Variants in THBS1 observed in about 807,000 individuals in gnomAD.
THBS1 encodes the protein thrombospondin 1.
In THBS1, 29 loss-of-function variants were observed where a neutral mutation model predicts 126.1. That is an observed-to-expected ratio of 0.23 (90% CI 0.17 to 0.31). The LOEUF is 0.31. Among genes scored for constraint, THBS1 ranks in the 10% least tolerant of loss-of-function variants. The pLI, the probability that THBS1 is intolerant of heterozygous loss-of-function variation, is 1.00. For missense variants in THBS1, 1,198 were observed against 1,545.2 expected, an observed-to-expected ratio of 0.78 and a Z score of 3.77; for synonymous variants, 496 against 577.8, an observed-to-expected ratio of 0.86 and a Z score of 2.03.
At chr15:39,587,197 A>G (rs1566839795) in intron 7 of THBS1, 150 bp from the exon 8 acceptor site, 1 of 649,894 alleles carries the variant, frequency 1.5e-6, no homozygotes, top group African/African-American at 1.8e-5. Context: ...AAATGTATAT[A>G]ATATTTGTCA....
At chr15:39,587,813 T>G (rs1890238066) in intron 8 of THBS1, among the ~76,000 whole-genome samples, 1 of 152,214 alleles carries the variant, frequency 6.6e-6, no homozygotes, top group African/African-American at 2.4e-5. Context: ...ACCCTGTAAA[T>G]GTTAGGATAT....
In THBS1 at chr15:39,593,112, C is replaced by G; in HGVS notation, c.2880C>G (p.Phe960Leu). The change falls in exon 18 of 22, where the codon TTC becomes TTG. Residue 960 changes from phenylalanine (F) to leucine (L), a missense_variant. Around this residue, in one of 4 missense-constraint regions of THBS1, gnomAD observed 255 missense variants for 373.9 expected, o/e 0.68. Transcript: ENST00000260356. The surrounding 1 kb of genome is among the most constrained non-coding windows in gnomAD (Gnocchi z 5.9). ...VDISETDFRR[F>L]QMIPLDPKGT... ...TCAGTGAGACCGATTTCCGCCGATT[C>G]CAGATGATTCCTCTGGACCCCAAAG... 1.3e-6 allele frequency: 2 copies of G among 1,598,620 alleles called. No homozygotes were observed. Among genetic ancestry groups the G allele is most frequent in the Non-Finnish European group, 1.7e-6 (2 of 1,173,110 alleles).
At chr15:39,584,557 T>A in intron 6 of THBS1, 135 bp downstream of exon 6, 1 of 1,204,566 alleles carries the variant, frequency 8.3e-7, no homozygotes, top group Non-Finnish European at 1.1e-6. Context: ...TTTTTTTCTT[T>A]AAGATGCAAT....
Position 39,587,431 on chromosome 15 carries a change from G to A in THBS1, c.1205G>A (p.Arg402His), listed in dbSNP as rs369659280. Residue 402 changes from arginine (R) to histidine (H), a missense_variant, in exon 8 of 22, where the codon CGC (arginine) becomes CAC (histidine). By Grantham distance (29) the Arg-to-His change is conservative. Coordinates refer to ENST00000260356, the MANE Select transcript of THBS1 (RefSeq NM_003246.4). ...AGCTGTGGCAATGGAATTCAGCAGC[G>A]CGGCCGCTCCTGCGATAGCCTCAAC... ...STSCGNGIQQRGRSCDSLNNR... is the reference protein window; with the variant it reads ...STSCGNGIQQHGRSCDSLNNR... 6.8e-6 allele frequency: 11 copies of A among 1,613,968 alleles called. No individual in the cohort carries two copies. Among genetic ancestry groups the A allele is most frequent in the East Asian group, 2.2e-5 (1 of 44,870 alleles).
chr15:39,587,330 C>T lies in THBS1; in HGVS notation c.1121-17C>T. 1 of 1,603,268 alleles carries T rather than the reference C, an allele frequency of 6.2e-7. No individual in the cohort carries two copies. On this transcript the variant is annotated splice_polypyrimidine_tract_variant and intron_variant, in intron 7 of 21. Coordinates refer to ENST00000260356, the MANE Select transcript of THBS1 (RefSeq NM_003246.4). ...CCTAATCATCACGTACCTGATGAAC[C>T]TCTGTTTCCCCTGCAGCCAGCGACT...
intron 6 of THBS1, among the ~76,000 whole-genome samples, 196 bp from the exon 7 acceptor site, chr15:39,585,274 C>T (rs995607318): frequency 2.6e-5 from 4 of 152,164 alleles, no homozygotes; most frequent in Non-Finnish European, 4.4e-5. Flanking sequence ...TGGAGTGACA[C>T]GTAAACTAGC....
chr15:39,581,752 C>G, intron 1 of THBS1, 77 bp from the exon 2 acceptor site: 1 of 889,838 alleles, frequency 1.1e-6, no homozygotes, highest in Non-Finnish European at 1.8e-6. Flanking sequence ...TGTCCCCATG[C>G]CCAGCCCCGT....
At chr15:39,585,860 C>A (rs1890199241) in intron 7 of THBS1, among the ~76,000 whole-genome samples, 1 of 152,178 alleles carries the variant, frequency 6.6e-6, no homozygotes, top group South Asian at 2.1e-4. Context: ...GCAGCAACAG[C>A]TCTAAGTTGA....
chr15:39,595,305 A>G (rs922714466), intron 21 of THBS1, 57 bp from the exon 22 acceptor site: 30 of 1,175,440 alleles, frequency 2.6e-5, no homozygotes, highest in Admixed American at 1.2e-4. Context: ...TAAGATGTCT[A>G]TGCTTTTATG....
intron 3 of THBS1, 72 bp downstream of exon 3, chr15:39,582,824 G>C (rs998693457): frequency 2.0e-6 from 3 of 1,479,812 alleles, no homozygotes; most frequent in Non-Finnish European, 2.7e-6. Context: ...GAGGGCTACA[G>C]GAAATCCTGT....
chr15:39,584,863 G>A (rs1295092374), intron 6 of THBS1, among the ~76,000 whole-genome samples: 5 of 152,176 alleles, frequency 3.3e-5, no homozygotes, highest in Admixed American at 2.6e-4. Flanking sequence ...GCTTTGCTCA[G>A]ATGGCACTGC....
Position 39,593,272 on chromosome 15 carries a change from G to A in THBS1, c.2995+45G>A. ...ATCCTAAGAGACTGATGCATACATG[G>A]GGAAAAACAAATATAAAACCTGGCA... On this transcript the variant is annotated intron_variant, in intron 18 of 21. Transcript: ENST00000260356. This position sits in a 1 kb window ranked among gnomAD's most constrained non-coding sequence, Gnocchi z 5.9. The A allele has an allele frequency of 6.2e-7, 1 of 1,611,078 alleles. No homozygotes were observed. Among genetic ancestry groups the A allele is most frequent in the Non-Finnish European group, 8.5e-7 (1 of 1,177,358 alleles).
chr15:39,587,568 T>G, intron 8 of THBS1, 48 bp downstream of exon 8: 1 of 1,546,944 alleles, frequency 6.5e-7, no homozygotes, highest in Non-Finnish European at 8.8e-7. Flanking sequence ...CCTGTCCTTG[T>G]TGTCGTCACC....
chr15:39,588,546 T>G lies in THBS1; in HGVS notation c.1492T>G (p.Trp498Gly). The change falls in exon 10 of 22, where the codon TGG (tryptophan) becomes GGG (glycine). Residue 498 changes from tryptophan (W) to glycine (G), a missense_variant. Physicochemically the swap from Trp to Gly is radical, Grantham distance 184. Transcript: ENST00000260356. ...ACPINGGWGP[W>G]SPWDICSVTC... ...TACAGTCAATGGAGGCTGGGGTCCT[T>G]GGTCACCATGGGACATCTGTTCTGT... is the stretch of plus-strand genomic sequence containing the variant. The G allele has an allele frequency of 6.4e-7, 1 of 1,560,754 alleles. No homozygotes were observed. The highest frequency in any genetic ancestry group is 8.6e-7 in the Non-Finnish European group (1 of 1,158,414).
In THBS1 at chr15:39,594,108, C is replaced by G. The variant is rs758876690; in HGVS notation, c.3277C>G (p.Leu1093Val). 6.2e-7 allele frequency: 1 copy of G among 1,613,840 alleles called. No individual in the cohort carries two copies. Among genetic ancestry groups the G allele is most frequent in the Non-Finnish European group, 8.5e-7 (1 of 1,179,844 alleles). Residue 1093 changes from leucine (L) to valine (V), a missense_variant, in exon 20 of 22, where the codon CTG (leucine) becomes GTG (valine). Physicochemically the swap from Leu to Val is conservative, Grantham distance 32 (BLOSUM62 1). This residue lies in a region of THBS1 where 255 missense variants were observed against 373.9 expected (regional missense o/e 0.68). Transcript: ENST00000260356. The surrounding 1 kb of genome is among the most constrained non-coding windows in gnomAD (Gnocchi z 4.4). Reference protein sequence around the residue: ...TGNTPGQVRTLWHDPRHIGWK... With the variant: ...TGNTPGQVRTVWHDPRHIGWK... ...TTTCCTTTTCCTTCAGGTGCGCACC[C>G]TGTGGCATGACCCTCGTCACATAGG...
intron 2 of THBS1, 68 bp downstream of exon 2, chr15:39,581,992 C>G: frequency 6.5e-7 from 1 of 1,542,438 alleles, no homozygotes; most frequent in Non-Finnish European, 9.0e-7. Context: ...CCAGGTGTGC[C>G]CCCTCACGTG....
At position 39,594,557 on chromosome 15, in the gene THBS1, A is replaced by G. The variant is rs1053914820; in HGVS notation, c.3505+117A>G. On this transcript the variant is annotated intron_variant, in intron 21 of 21. Coordinates refer to ENST00000260356, the MANE Select transcript of THBS1 (RefSeq NM_003246.4). This position sits in a 1 kb window ranked among gnomAD's most constrained non-coding sequence, Gnocchi z 4.4. The stretch of plus-strand genomic sequence containing the variant: ...CTGTTTTGGAGACAGGGTTATTTCT[A>G]TTTTGCTTTTGAGGACACAAGGACA... The G allele has an allele frequency of 2.1e-6, 3 of 1,438,938 alleles. No individual in the cohort carries two copies. The highest frequency in any genetic ancestry group is 2.3e-5 in the East Asian group (1 of 43,430). 89.1% of individuals were successfully genotyped at this position (1,438,938 alleles called of 1,614,324 possible).
Position 39,582,466 on chromosome 15 carries a change from G to A in THBS1, c.341G>A (p.Gly114Asp), listed in dbSNP as rs373126135. The A allele has an allele frequency of 1.9e-6, 3 of 1,614,114 alleles. No individual in the cohort carries two copies. Among genetic ancestry groups the A allele is most frequent in the African/African-American group, 2.7e-5 (2 of 75,036 alleles). ...LLALERKDHS[G>D]QVFSVVSNGK... ...GCCCTGGAGCGGAAAGACCACTCTG[G>A]CCAGGTCTTCAGCGTGGTGTCCAAT... Residue 114 changes from glycine to aspartate, a missense_variant, in exon 3 of 22, where the codon GGC becomes GAC. Gly to Asp is a moderately conservative substitution (Grantham distance 94, BLOSUM62 -1). Coordinates refer to ENST00000260356, the MANE Select transcript of THBS1 (RefSeq NM_003246.4).
rs564335019 is a variant in THBS1 at position 39,586,725 on chromosome 15, G to T, written c.1121-622G>T. 3 of 152,140 alleles carry T rather than the reference G, an allele frequency of 2.0e-5. No homozygotes were observed. The East Asian group carries it at 5.8e-4, about 29-fold the overall frequency. 9.4% of individuals were successfully genotyped at this position (152,140 alleles called of 1,614,324 possible). On this transcript the variant is annotated intron_variant, in intron 7 of 21. Transcript: ENST00000260356. ...CTCCTATAAGCTTCCTCATACTCGCGCATTCTTGGAAGTCTGAGACTGGAA... is the reference window on the plus strand; with the variant it reads ...CTCCTATAAGCTTCCTCATACTCGCTCATTCTTGGAAGTCTGAGACTGGAA...
Sources: allele counts gnomAD v4.1 joint callset (sites outside exome capture counted in the v4.1 genomes callset), GRCh38; gene constraint gnomAD v4.1.1; regional missense constraint gnomAD v4.1.1; non-coding constraint Gnocchi (gnomAD v3.1); transcripts MANE v1.5; gene names NCBI Gene and HGNC (gene_info 2026-07-23, HGNC 2026-07-21).